MYOF: variants seen among roughly 807,000 people sequenced by gnomAD.
MYOF encodes the protein myoferlin, also known as fer-1-like 3, myoferlin.
Under a neutral mutation model 284.2 loss-of-function variants are expected in MYOF, and 244 were observed. The ratio of observed to expected loss-of-function variants is 0.86; its 90% CI spans 0.77 to 0.95. MYOF has a LOEUF of 0.95. Among genes scored for constraint, MYOF ranks in the 40% least tolerant of loss-of-function variants. The probability of loss-of-function intolerance (pLI) is 0.00; values close to 1 mark genes in which losing one functional copy is unlikely to be tolerated. For missense variants in MYOF, 2,496 were observed against 2,560.6 expected (o/e 0.97, Z 0.54); for synonymous variants, 904 against 919.7 (o/e 0.98, Z 0.31).
intron 5 of MYOF, among the ~76,000 whole-genome samples, chr10:93,420,754 T>C (rs1172177420): frequency 2.6e-5 from 4 of 152,194 alleles, no homozygotes; most frequent in Non-Finnish European, 4.4e-5. Context: ...GATTTTCACT[T>C]TCCGTGTCAT....
At chr10:93,398,734 C>T (rs924560623) in intron 13 of MYOF, among the ~76,000 whole-genome samples, 5 of 151,614 alleles carry the variant, frequency 3.3e-5, no homozygotes, top group Non-Finnish European at 7.4e-5. Context: ...ATGTGGTTTG[C>T]CGAATCTTGC....
rs1221257399 is a variant in MYOF at position 93,310,019 on chromosome 10, C to T, written c.6147+1G>A. On this transcript the variant is annotated splice_donor_variant, in intron 53 of 53. Coordinates refer to ENST00000359263, the MANE Select transcript of MYOF (RefSeq NM_013451.4). LOFTEE classifies it high-confidence loss of function. ...ACAAGGGGCCAAGGAAGGGCTCCTA[C>T]CGGCAAAGAGTAGAGGAGCACGGCC... 2.5e-6 allele frequency: 4 copies of T among 1,613,908 alleles called. No homozygotes were observed. Among genetic ancestry groups the T allele is most frequent in the African/African-American group, 2.7e-5 (2 of 74,890 alleles).
At chr10:93,365,702 T>G (rs562394241) in intron 26 of MYOF, among the ~76,000 whole-genome samples, 2 of 152,342 alleles carry the variant, frequency 1.3e-5, no homozygotes, top group African/African-American at 4.8e-5. Context: ...CTTGTGTTTC[T>G]GCGCATCTTG....
intron 2 of MYOF, among the ~76,000 whole-genome samples, chr10:93,454,993 A>T (rs1228930421): frequency 6.8e-6 from 1 of 147,922 alleles, no homozygotes; most frequent in Non-Finnish European, 1.5e-5. Context: ...TAATTAAAAA[A>T]AAAAAAAAAA....
At chr10:93,423,636 A>T (rs1205762167) in intron 5 of MYOF, among the ~76,000 whole-genome samples, 3 of 151,242 alleles carry the variant, frequency 2.0e-5, no homozygotes, top group Non-Finnish European at 4.4e-5. Context: ...GATTGAGACC[A>T]TCCTGGCTAA....
At chr10:93,481,994 G>T in intron 1 of MYOF, 113 bp downstream of exon 1, 1 of 1,011,922 alleles carries the variant, frequency 9.9e-7, no homozygotes, top group Non-Finnish European at 1.5e-6. Context: ...AACAAACGCT[G>T]CTGGAGAGAC....
At chr10:93,387,954 C>A in intron 18 of MYOF, 41 bp from the exon 19 acceptor site, 1 of 1,497,046 alleles carries the variant, frequency 6.7e-7, no homozygotes, top group Admixed American at 1.7e-5. Context: ...TAGGCAGCAA[C>A]AGCAAAAAGA....
rs762551051 is a variant in MYOF, at chr10:93,392,897, C to T, written c.1456+20G>A. On this transcript the variant is annotated intron_variant, in intron 17 of 53. Coordinates refer to ENST00000359263, the MANE Select transcript of MYOF (RefSeq NM_013451.4). The stretch of plus-strand genomic sequence containing the variant: ...TTAGCTAGGAAGATATAACAGAGAG[C>T]AAAATTACGAAGCATAAACCTGTAT... The T allele has an allele frequency of 6.9e-6, 11 of 1,604,020 alleles. No individual in the cohort carries two copies. In the Admixed American group the frequency reaches 1.0e-4, roughly 15 times the overall value.
intron 4 of MYOF, among the ~76,000 whole-genome samples, chr10:93,427,869 T>C (rs1007993909): frequency 8.5e-4 from 129 of 152,146 alleles, no homozygotes; most frequent in African/African-American, 3.0e-3. Context: ...CTGTATACAG[T>C]ACTTTTTAAT....
intron 2 of MYOF, among the ~76,000 whole-genome samples, chr10:93,454,140 C>T (rs955027338): frequency 5.9e-5 from 9 of 152,146 alleles, no homozygotes; most frequent in African/African-American, 2.2e-4. Flanking sequence ...CGAGATCGCA[C>T]CATTGCACTC....
chr10:93,339,881 C>A lies in MYOF; in HGVS notation c.4338+272G>T, dbSNP rs996603681. Among the ~76,000 whole-genome samples, 26 of 152,046 alleles carry A rather than the reference C, an allele frequency of 1.7e-4. 1 individual carries two copies. The highest frequency in any genetic ancestry group is 5.5e-4 in the African/African-American group (23 of 41,554). On this transcript the variant is annotated intron_variant, in intron 39 of 53. Transcript: ENST00000359263. ...GATCACGAGGTCAGGAGATCGAGAC[C>A]ATCCTGGCTAACATGGTGAAACCCC...
intron 47 of MYOF, 39 bp downstream of exon 47, chr10:93,323,231 C>T (rs760648290): frequency 3.7e-6 from 6 of 1,613,176 alleles, no homozygotes; most frequent in Non-Finnish European, 4.2e-6. Context: ...AAGTCCCCAG[C>T]CCAGTGTATG....
chr10:93,323,187 A>G lies in MYOF; in HGVS notation c.5361-14T>C. On this transcript the variant is annotated splice_polypyrimidine_tract_variant and intron_variant, in intron 47 of 53. Transcript: ENST00000359263. ...CGCAGGTAGTATCTGCAAGAAGCAC[A>G]GTTGGAAGGTACTTTTTTTTCTGGT... 1 of 1,613,920 alleles carries G rather than the reference A, an allele frequency of 6.2e-7. No homozygotes were observed. Among genetic ancestry groups the G allele is most frequent in the African/African-American group, 1.3e-5 (1 of 75,046 alleles).
intron 28 of MYOF, 147 bp from the exon 29 acceptor site, chr10:93,360,125 G>A (rs1263107953): frequency 9.9e-7 from 1 of 1,007,240 alleles, no homozygotes; most frequent in Non-Finnish European, 1.5e-6. Context: ...CACTTTGCTG[G>A]GTTATTCAGC....
intron 26 of MYOF, among the ~76,000 whole-genome samples, chr10:93,365,320 G>A (rs1845277824): frequency 6.6e-6 from 1 of 152,238 alleles, no homozygotes; most frequent in Non-Finnish European, 1.5e-5. Context: ...AAGAGGGAAT[G>A]CTGGTTCTAA....
Position 93,351,247 on chromosome 10 carries a change from A to G in MYOF, c.3871T>C (p.Tyr1291His), listed in dbSNP as rs1669975378. The change falls in exon 35 of 54, where the codon TAC becomes CAC. Residue 1291 changes from tyrosine to histidine, a missense_variant. By Grantham distance (83) the Tyr-to-His change is moderately conservative. Coordinates refer to ENST00000359263, the MANE Select transcript of MYOF (RefSeq NM_013451.4). ...ILPPQRAPNL[Y>H]MVPQGIRPVV... ...GGCCTGATCCCCTGGGGGACCATGT[A>G]TAGATTTGGCGCCCTTTGAGGGGGA... 2 of 1,614,016 alleles carry G rather than the reference A, an allele frequency of 1.2e-6. No individual in the cohort carries two copies. The highest frequency in any genetic ancestry group is 2.7e-5 in the African/African-American group (2 of 74,936).
chr10:93,469,135 C>T (rs376260561), intron 1 of MYOF, among the ~76,000 whole-genome samples: 1 of 152,156 alleles, frequency 6.6e-6, no homozygotes, highest in Non-Finnish European at 1.5e-5. Context: ...TATGGTGGCT[C>T]ACGCCCATAA....
chr10:93,320,763 C>T (rs1289327767), intron 48 of MYOF, among the ~76,000 whole-genome samples: 4 of 152,068 alleles, frequency 2.6e-5, no homozygotes, highest in Non-Finnish European at 5.9e-5. Flanking sequence ...GGGTAACATT[C>T]GATTTTACAC....
intron 5 of MYOF, among the ~76,000 whole-genome samples, chr10:93,422,424 TACAA>T (rs1249468479): frequency 1.3e-5 from 2 of 152,188 alleles, no homozygotes; most frequent in Non-Finnish European, 2.9e-5. Context: ...GCACTGGTGC[TACAA>T]ACAAAGGCTT....
Sources: gnomAD v4.1 joint callset for allele counts (sites outside exome capture counted in the v4.1 genomes callset) on GRCh38, gnomAD v4.1.1 for gene constraint, MANE v1.5 for transcripts, NCBI Gene and HGNC (gene_info 2026-07-23, HGNC 2026-07-21) for gene names.